The following SLC45A4 variants were observed in gnomAD, a reference collection of about 807,000 sequenced individuals.
SLC45A4 encodes the protein solute carrier family 45 member 4.
A neutral mutation model predicts 63.7 loss-of-function variants in SLC45A4; 32 were observed. That is an observed-to-expected ratio of 0.50 (90% CI 0.38 to 0.67). The LOEUF (loss-of-function observed/expected upper bound fraction) is 0.67. Among genes scored for constraint, SLC45A4 ranks in the 30% least tolerant of loss-of-function variants. The probability of loss-of-function intolerance (pLI) is 0.00; values close to 1 mark genes in which losing one functional copy is unlikely to be tolerated. For synonymous variants in SLC45A4, 535 were observed against 510.0 expected (o/e 1.05, Z -0.66); for missense variants, 1,027 against 1,157.7 (o/e 0.89, Z 1.64).
intron 1 of SLC45A4, among the ~76,000 whole-genome samples, chr8:141,281,309 A>G (rs1447292851): frequency 1.3e-5 from 2 of 152,230 alleles, no homozygotes; most frequent in Non-Finnish European, 1.5e-5. Context: ...ACCGTACTCC[A>G]GCCTGGGTGA....
chr8:141,259,219 T>C (rs1364768859), intron 1 of SLC45A4, among the ~76,000 whole-genome samples: 1 of 152,234 alleles, frequency 6.6e-6, no homozygotes, highest in Non-Finnish European at 1.5e-5. Context: ...AGTATCCGCA[T>C]GGCCACGGTC....
rs1288000289 is a variant in SLC45A4 at position 141,255,921 on chromosome 8, G to GA, written c.-400-1293dup. On this transcript the variant is annotated intron_variant, in intron 1 of 8. Transcript: ENST00000517878. ...AATGAAATTATAGACCTTTTCTCCA[G>GA]AAAAAAATGTACGCATGTGCCAAAC... 2.6e-5 allele frequency among the ~76,000 whole-genome samples: 4 copies of GA among 151,892 alleles called. No homozygotes were observed. The South Asian group carries it at 6.2e-4, about 24-fold the overall frequency.
At chr8:141,212,145 C>CCCGGGGG in intron 8 of SLC45A4, 52 bp downstream of exon 8, 1 of 955,978 alleles carries the variant, frequency 1.0e-6, no homozygotes, top group Non-Finnish European at 1.3e-6. Flanking sequence ...GCCGCCCGCC[C>CCCGGGGG]GCCCGCCCAC....
Position 141,215,676 on chromosome 8 carries a change from G to A in SLC45A4, c.1941+83C>T, listed in dbSNP as rs1412910642. 6.3e-6 allele frequency: 9 copies of A among 1,423,018 alleles called. No homozygotes were observed. Among genetic ancestry groups the A allele is most frequent in the African/African-American group, 2.8e-5 (2 of 70,954 alleles). The allele number at this position is 1,423,018 out of a possible 1,614,324, so 88.1% of individuals were successfully genotyped here. ...CCATCTGTGTCGTGAACGTCCCCCC[G>A]GGGAAGCACAGGGCTCTGCTCTGTA... On this transcript the variant is annotated intron_variant, in intron 7 of 8. Coordinates refer to ENST00000517878, the MANE Select transcript of SLC45A4 (RefSeq NM_001286646.2). The surrounding 1 kb of genome is among the most constrained non-coding windows in gnomAD (Gnocchi z 4.3).
chr8:141,219,893 A>T (rs1826493925), intron 3 of SLC45A4, 64 bp from the exon 4 acceptor site: 3 of 1,433,786 alleles, frequency 2.1e-6, no homozygotes, highest in Admixed American at 4.7e-5. Context: ...GCCTGATAGC[A>T]AACAGCCACA....
rs1589783857 is a variant in SLC45A4 at position 141,227,658 on chromosome 8, T to A, written c.242-5893A>T. ...CTGCTTGCAAGAGGGGAAGGGCCAC[T>A]GGCACTGGGCCCCCGGCACTGAGGC... On this transcript the variant is annotated intron_variant, in intron 2 of 8. Coordinates refer to ENST00000517878, the MANE Select transcript of SLC45A4 (RefSeq NM_001286646.2). This position sits in a 1 kb window ranked among gnomAD's most constrained non-coding sequence, Gnocchi z 4.4. 2.6e-5 allele frequency among the ~76,000 whole-genome samples: 4 copies of A among 152,148 alleles called. No homozygotes were observed. In the East Asian group the frequency reaches 7.7e-4, roughly 29 times the overall value.
At chr8:141,301,166 G>T (rs566157762) in intron 1 of SLC45A4, among the ~76,000 whole-genome samples, 1 of 152,294 alleles carries the variant, frequency 6.6e-6, no homozygotes, top group Non-Finnish European at 1.5e-5. Context: ...CCCAGGGAAC[G>T]TTCCAGCAAC....
rs1436185184 is a variant in SLC45A4, at chr8:141,227,251, C to A, written c.242-5486G>T. ...GTGAGGTCACGGGCGACGCTCGGGT[C>A]ACGTGTGGCGGCTCCTGTTCACAGT... On this transcript the variant is annotated intron_variant, in intron 2 of 8. Transcript: ENST00000517878. This position sits in a 1 kb window ranked among gnomAD's most constrained non-coding sequence, Gnocchi z 4.4. Among the ~76,000 whole-genome samples the A allele has an allele frequency of 8.5e-5, 13 of 152,126 alleles. No individual in the cohort carries two copies. Among genetic ancestry groups the A allele is most frequent in the Non-Finnish European group, 8.8e-5 (6 of 68,028 alleles).
intron 1 of SLC45A4, among the ~76,000 whole-genome samples, chr8:141,295,996 C>T (rs192579474): frequency 1.6e-4 from 25 of 152,342 alleles, no homozygotes; most frequent in Admixed American, 1.0e-3. Flanking sequence ...AGGAAACAGG[C>T]TTCCAGCCTG....
chr8:141,287,345 CT>C (rs1830185051), intron 1 of SLC45A4, among the ~76,000 whole-genome samples: 3 of 152,246 alleles, frequency 2.0e-5, no homozygotes, highest in Non-Finnish European at 4.4e-5. Context: ...CTCAGCTGCT[CT>C]GATGCTCTGA....
At chr8:141,248,013 CT>C (rs1268839149) in intron 2 of SLC45A4, among the ~76,000 whole-genome samples, 1 of 152,070 alleles carries the variant, frequency 6.6e-6, no homozygotes, top group African/African-American at 2.4e-5. Flanking sequence ...GATCACAGAC[CT>C]AGGTGAGAGA....
At chr8:141,265,189 C>T (rs908692715) in intron 1 of SLC45A4, among the ~76,000 whole-genome samples, 6 of 152,218 alleles carry the variant, frequency 3.9e-5, no homozygotes, top group African/African-American at 1.4e-4. Flanking sequence ...CAACAGTGGA[C>T]ACCTCGAGGC....
chr8:141,235,840 G>A (rs957757139), intron 2 of SLC45A4, among the ~76,000 whole-genome samples: 6 of 152,172 alleles, frequency 3.9e-5, no homozygotes, highest in Admixed American at 6.5e-5. Context: ...GGTGGCTCAC[G>A]CCTGTAATCT....
chr8:141,235,074 G>A (rs1250494164), intron 2 of SLC45A4, among the ~76,000 whole-genome samples: 1 of 152,180 alleles, frequency 6.6e-6, no homozygotes, highest in Non-Finnish European at 1.5e-5. Context: ...CCGAGTGAAG[G>A]TGCAGGTGAC....
At chr8:141,245,669 A>G (rs1828153491) in intron 2 of SLC45A4, among the ~76,000 whole-genome samples, 1 of 152,146 alleles carries the variant, frequency 6.6e-6, no homozygotes, top group Non-Finnish European at 1.5e-5. Flanking sequence ...TTAGAGCTAG[A>G]TGGGACTCAC....
chr8:141,296,330 G>A (rs1041934984), intron 1 of SLC45A4, among the ~76,000 whole-genome samples: 3 of 151,424 alleles, frequency 2.0e-5, no homozygotes, highest in African/African-American at 7.3e-5. Flanking sequence ...GTGAGACCCT[G>A]TTTCAAAAAA....
intron 1 of SLC45A4, among the ~76,000 whole-genome samples, chr8:141,289,105 G>T (rs910143070): frequency 1.8e-4 from 27 of 152,228 alleles, no homozygotes; most frequent in African/African-American, 6.0e-4. Flanking sequence ...GCGCGATGGA[G>T]TCAGGGCCTG....
chr8:141,233,003 G>A (rs1827443657), intron 2 of SLC45A4, among the ~76,000 whole-genome samples: 1 of 152,226 alleles, frequency 6.6e-6, no homozygotes, highest in East Asian at 1.9e-4. Flanking sequence ...GCGCTGAGCG[G>A]CACCTCTGCC....
intron 2 of SLC45A4, among the ~76,000 whole-genome samples, chr8:141,234,514 C>T (rs983048047): frequency 3.9e-5 from 6 of 152,196 alleles, no homozygotes; most frequent in African/African-American, 1.2e-4. Flanking sequence ...CATCTTTCTA[C>T]CCAAACAGGG....
Sources: gnomAD v4.1 joint callset for allele counts (sites outside exome capture counted in the v4.1 genomes callset) on GRCh38, gnomAD v4.1.1 for gene constraint, Gnocchi (gnomAD v3.1) non-coding constraint, MANE v1.5 for transcripts, NCBI Gene and HGNC (gene_info 2026-07-23, HGNC 2026-07-21) for gene names.